DLGAP1: variants seen among roughly 807,000 people sequenced by gnomAD.
DLGAP1 encodes disks large-associated protein 1.
Under a neutral mutation model 90.8 loss-of-function variants are expected in DLGAP1, and 11 were observed. That is an observed-to-expected ratio of 0.12 (90% CI 0.08 to 0.20). The LOEUF is 0.20. Among genes scored for constraint, DLGAP1 ranks in the 10% least tolerant of loss-of-function variants. DLGAP1 has a pLI of 1.00. For missense variants in DLGAP1, 1,050 were observed against 1,333.8 expected (o/e 0.79, Z 3.31); for synonymous variants, 558 against 540.7 (o/e 1.03, Z -0.44).
rs564080176 is a variant in DLGAP1 at position 3,916,045 on chromosome 18, C to T, written c.-72-35905G>A. Among the ~76,000 whole-genome samples, 8 of 152,216 alleles carry T rather than the reference C, an allele frequency of 5.3e-5. No individual in the cohort carries two copies. The South Asian group carries it at 1.7e-3, about 32-fold the overall frequency. ...CAGATTGACACTGAATTATGGTCACCCTTGCTCAAGTAAACAAATTAATAT... is the reference window on the plus strand; with the variant it reads ...CAGATTGACACTGAATTATGGTCACTCTTGCTCAAGTAAACAAATTAATAT... On this transcript the variant is annotated intron_variant, in intron 3 of 12. Transcript: ENST00000315677.
intron 5 of DLGAP1, among the ~76,000 whole-genome samples, chr18:3,763,921 C>T (rs2064093800): frequency 6.6e-6 from 1 of 152,156 alleles, no homozygotes; most frequent in Non-Finnish European, 1.5e-5. Context: ...CTCGGCCTCC[C>T]AAAGTGCTGG....
chr18:3,690,247 C>T (rs961361414), intron 7 of DLGAP1, among the ~76,000 whole-genome samples: 28 of 151,890 alleles, frequency 1.8e-4, no homozygotes, highest in African/African-American at 9.7e-5. Context: ...TCATGAAGCC[C>T]GGCTAATTTT....
At chr18:4,450,708 A>C (rs1228332249) in intron 1 of DLGAP1, among the ~76,000 whole-genome samples, 1 of 152,262 alleles carries the variant, frequency 6.6e-6, no homozygotes, top group Non-Finnish European at 1.5e-5. Context: ...TGTTGCTTAC[A>C]AATCTGATAA....
intron 1 of DLGAP1, among the ~76,000 whole-genome samples, chr18:4,263,583 C>T (rs2079045631): frequency 6.6e-6 from 1 of 152,124 alleles, no homozygotes; most frequent in Non-Finnish European, 1.5e-5. Context: ...AAAATACTTC[C>T]ATTAAATGTT....
intron 1 of DLGAP1, among the ~76,000 whole-genome samples, chr18:4,226,937 A>T (rs901626167): frequency 1.7e-4 from 26 of 151,898 alleles, no homozygotes; most frequent in East Asian, 9.6e-4. Context: ...AAAATTTTTT[A>T]AAAAAAGACT....
At chr18:4,214,667 T>C (rs1470818697) in intron 1 of DLGAP1, among the ~76,000 whole-genome samples, 2 of 152,202 alleles carry the variant, frequency 1.3e-5, no homozygotes, top group Non-Finnish European at 2.9e-5. Flanking sequence ...TTCACCCTCC[T>C]TAACATAATT....
intron 1 of DLGAP1, among the ~76,000 whole-genome samples, chr18:4,184,206 C>T (rs139345012): frequency 2.6e-5 from 4 of 152,112 alleles, no homozygotes; most frequent in Non-Finnish European, 5.9e-5. Context: ...TTGTATTGAT[C>T]GTGACCTAAA....
intron 3 of DLGAP1, among the ~76,000 whole-genome samples, chr18:3,883,041 C>T (rs2071217498): frequency 1.3e-5 from 2 of 152,202 alleles, no homozygotes; most frequent in African/African-American, 4.8e-5. Context: ...GTCAGGAGTT[C>T]AAGACCAGTC....
At chr18:4,216,404 T>C (rs1332773316) in intron 1 of DLGAP1, among the ~76,000 whole-genome samples, 1 of 152,062 alleles carries the variant, frequency 6.6e-6, no homozygotes, top group Non-Finnish European at 1.5e-5. Flanking sequence ...TAATTTTAAA[T>C]GTTACACTCT....
At chr18:3,895,586 C>T (rs1259324984) in intron 3 of DLGAP1, among the ~76,000 whole-genome samples, 1 of 152,280 alleles carries the variant, frequency 6.6e-6, no homozygotes, top group South Asian at 2.1e-4. Context: ...TTTTCCTGCT[C>T]GGTAAACAAG....
intron 1 of DLGAP1, among the ~76,000 whole-genome samples, chr18:4,225,200 A>G (rs961837960): frequency 6.6e-5 from 10 of 152,130 alleles, no homozygotes; most frequent in African/African-American, 2.4e-4. Context: ...TCAAGCCTCT[A>G]TGAGGCTGGA....
At chr18:3,824,006 T>A (rs530636466) in intron 4 of DLGAP1, among the ~76,000 whole-genome samples, 1 of 150,588 alleles carries the variant, frequency 6.6e-6, no homozygotes, top group African/African-American at 2.4e-5. Flanking sequence ...GGTAAATATA[T>A]TTTTTCCACT....
At chr18:3,751,876 TCTTC>T (rs952369601) in intron 5 of DLGAP1, among the ~76,000 whole-genome samples, 1 of 140,880 alleles carries the variant, frequency 7.1e-6, no homozygotes, top group Non-Finnish European at 1.5e-5. Flanking sequence ...TTCTTCTTCT[TCTTC>T]TTCTTTTTTT....
chr18:3,612,800 T>C (rs2057696112), intron 7 of DLGAP1, among the ~76,000 whole-genome samples: 1 of 152,238 alleles, frequency 6.6e-6, no homozygotes, highest in Non-Finnish European at 1.5e-5. Context: ...CCAAAACCTT[T>C]GTGTTAGCTA....
At chr18:3,931,717 T>C (rs1242258158) in intron 3 of DLGAP1, among the ~76,000 whole-genome samples, 1 of 152,202 alleles carries the variant, frequency 6.6e-6, no homozygotes, top group Non-Finnish European at 1.5e-5. Flanking sequence ...CTTGTAAACC[T>C]GAATGGCCCT....
At chr18:3,971,860 T>C (rs546478103) in intron 3 of DLGAP1, among the ~76,000 whole-genome samples, 1 of 152,284 alleles carries the variant, frequency 6.6e-6, no homozygotes, top group South Asian at 2.1e-4. Context: ...AGCATAATAA[T>C]TTTCATGACA....
intron 1 of DLGAP1, among the ~76,000 whole-genome samples, chr18:4,372,172 T>C (rs2081930535): frequency 6.6e-6 from 1 of 152,198 alleles, no homozygotes. Context: ...CTTGAGAAAC[T>C]TTGGCTTGCT....
intron 12 of DLGAP1, among the ~76,000 whole-genome samples, chr18:3,500,104 A>G (rs917522475): frequency 5.3e-5 from 8 of 152,162 alleles, no homozygotes; most frequent in African/African-American, 1.9e-4. Flanking sequence ...GCCTCGGGAT[A>G]ACTGTGGTGG....
chr18:3,663,612 T>G (rs1370692146), intron 7 of DLGAP1, among the ~76,000 whole-genome samples: 2 of 152,192 alleles, frequency 1.3e-5, no homozygotes, highest in Admixed American at 6.5e-5. Flanking sequence ...TGAACTGACA[T>G]GTAAGGAGTC....
Sources: allele counts gnomAD v4.1 joint callset (sites outside exome capture counted in the v4.1 genomes callset), GRCh38; gene constraint gnomAD v4.1.1; transcripts MANE v1.5; gene names NCBI Gene and HGNC (gene_info 2026-07-23, HGNC 2026-07-21).